Variants in RELCH observed in about 807,000 individuals in gnomAD.
RELCH encodes the protein RAB11-binding protein RELCH.
RELCH carries 41 observed loss-of-function variants against 150.3 expected under a neutral mutation model. That is an observed-to-expected ratio of 0.27 (90% CI 0.21 to 0.35). RELCH has a LOEUF of 0.35. Among genes scored for constraint, RELCH ranks in the 10% least tolerant of loss-of-function variants. The pLI is 1.00. For synonymous variants in RELCH, 478 were observed against 531.8 expected, an observed-to-expected ratio of 0.90 and a Z score of 1.39; for missense variants, 1,092 against 1,467.8, an observed-to-expected ratio of 0.74 and a Z score of 4.18.
In RELCH at chr18:62,299,518, ACACT is replaced by A. The variant is rs1297656117; in HGVS notation, c.3530+662_3530+665del. Reference sequence around the variant, plus strand: ...ATCCTATCAGTCTAGAAACACACACACACTCACGCATACGCTCCTCCCTATTCCC... The same window carrying A: ...ATCCTATCAGTCTAGAAACACACACACACGCATACGCTCCTCCCTATTCCC... On this transcript the variant is annotated intron_variant, in intron 28 of 28. Transcript: ENST00000644646. Among the ~76,000 whole-genome samples the A allele has an allele frequency of 2.2e-4, 33 of 152,244 alleles. No homozygotes were observed. The South Asian group carries it at 5.8e-3, about 27-fold the overall frequency.
At chr18:62,208,565 T>C (rs2039961507) in intron 1 of RELCH, among the ~76,000 whole-genome samples, 1 of 152,124 alleles carries the variant, frequency 6.6e-6, no homozygotes, top group Non-Finnish European at 1.5e-5. Flanking sequence ...ATAGGTAAAG[T>C]TGTGTTACGG....
intron 20 of RELCH, among the ~76,000 whole-genome samples, chr18:62,272,134 G>A (rs2043937213): frequency 6.6e-6 from 1 of 151,968 alleles, no homozygotes; most frequent in South Asian, 2.1e-4. Flanking sequence ...CCCTGATATG[G>A]ATACTTTTCT....
chr18:62,242,332 C>T (rs2042189577), intron 10 of RELCH, among the ~76,000 whole-genome samples: 2 of 152,076 alleles, frequency 1.3e-5, no homozygotes, highest in Admixed American at 1.3e-4. Context: ...ATTTAGGGTT[C>T]AAGGAGACAA....
At position 62,257,965 on chromosome 18, in the gene RELCH, C is replaced by G; in HGVS notation, c.1914C>G (p.Ser638=). The G allele has an allele frequency of 6.2e-7, 1 of 1,600,212 alleles. No individual in the cohort carries two copies. Among genetic ancestry groups the G allele is most frequent in the Non-Finnish European group, 8.5e-7 (1 of 1,174,404 alleles). ...ATTTTCAGAAAGAAATCCGTAGCTC[C>G]TTGGTTCTTTCAATGTTGCAACAAA... ...APYLPKEIRS[S]LVLSMLQQML... The change falls in exon 14 of 29, where the codon TCC becomes TCG. Residue 638 remains serine, a synonymous_variant. Coordinates refer to ENST00000644646, the MANE Select transcript of RELCH (RefSeq NM_001346231.2).
intron 13 of RELCH, among the ~76,000 whole-genome samples, chr18:62,257,536 C>T (rs370424198): frequency 2.0e-5 from 3 of 152,098 alleles, no homozygotes; most frequent in East Asian, 1.9e-4. Context: ...AATAGTGACA[C>T]GAGAGTCATT....
chr18:62,302,556 T>C (rs897668870), intron 28 of RELCH, among the ~76,000 whole-genome samples: 2 of 152,204 alleles, frequency 1.3e-5, no homozygotes, highest in Non-Finnish European at 2.9e-5. Flanking sequence ...AGTCTCACTC[T>C]GTCTCCCAGG....
At chr18:62,252,498 G>A (rs901532777) in intron 11 of RELCH, among the ~76,000 whole-genome samples, 166 bp from the exon 12 acceptor site, 4 of 151,592 alleles carry the variant, frequency 2.6e-5, no homozygotes, top group Admixed American at 6.6e-5. Context: ...CAGCCTGGGA[G>A]ACAGCCAGAC....
chr18:62,227,356 G>A lies in RELCH; in HGVS notation c.926G>A (p.Arg309Gln), dbSNP rs778803019. ...CCTCCAGACTTATTGCAACTCTACC[G>A]GGATTTTGGAAATCATCAAGTAACT... ...PKPPDLLQLYRDFGNHQVTGK... is the reference protein window; with the variant it reads ...PKPPDLLQLYQDFGNHQVTGK... The change falls in exon 6 of 29, where the codon CGG becomes CAG. Residue 309 changes from arginine to glutamine, a missense_variant. Physicochemically the swap from Arg to Gln is conservative, Grantham distance 43 (BLOSUM62 1). Coordinates refer to ENST00000644646, the MANE Select transcript of RELCH (RefSeq NM_001346231.2). 11 of 1,612,172 alleles carry A rather than the reference G, an allele frequency of 6.8e-6. No homozygotes were observed. The highest frequency in any genetic ancestry group is 5.4e-5 in the African/African-American group (4 of 74,670).
chr18:62,292,318 G>A (rs1367716467), intron 27 of RELCH, among the ~76,000 whole-genome samples: 3 of 151,914 alleles, frequency 2.0e-5, no homozygotes, highest in Admixed American at 6.6e-5. Flanking sequence ...ATAGCTTCAC[G>A]TCTCTCTGCA....
intron 20 of RELCH, 123 bp downstream of exon 20, chr18:62,269,071 C>A: frequency 2.3e-6 from 1 of 438,466 alleles, no homozygotes; most frequent in Non-Finnish European, 4.1e-6. Context: ...TTATTTTATT[C>A]AATAAATAAT....
At chr18:62,194,633 G>A (rs1395088017) in intron 1 of RELCH, among the ~76,000 whole-genome samples, 1 of 152,048 alleles carries the variant, frequency 6.6e-6, no homozygotes, top group Non-Finnish European at 1.5e-5. Flanking sequence ...TCTAGGACAG[G>A]GCTACTGCCT....
chr18:62,245,962 T>G (rs1361647843), intron 11 of RELCH: 1 of 152,158 alleles, frequency 6.6e-6, no homozygotes, highest in Admixed American at 6.6e-5. Flanking sequence ...TGCAACAAGT[T>G]CCAGATAGGT....
rs112925223 is a variant in RELCH, at chr18:62,198,131, G to A, written c.526+10100G>A. Among the ~76,000 whole-genome samples the A allele has an allele frequency of 2.6e-3, 397 of 152,254 alleles. 5 individuals are homozygous for A. The highest frequency in any genetic ancestry group is 8.9e-3 in the African/African-American group (372 of 41,570). ...AAGCATCACTTCATTTCATCAAGGC[G>A]CCCACACTGCATAGCATTAAACTTA... is the stretch of plus-strand genomic sequence containing the variant. On this transcript the variant is annotated intron_variant, in intron 1 of 28. Coordinates refer to ENST00000644646, the MANE Select transcript of RELCH (RefSeq NM_001346231.2).
Position 62,228,369 on chromosome 18 carries a change from C to G in RELCH, c.1219C>G (p.Pro407Ala). 1.2e-6 allele frequency: 2 copies of G among 1,613,366 alleles called. No individual in the cohort carries two copies. The highest frequency in any genetic ancestry group is 2.7e-5 in the African/African-American group (2 of 74,964). Residue 407 changes from proline (P) to alanine (A), a missense_variant, in exon 8 of 29, where the codon CCT (proline) becomes GCT (alanine). Transcript: ENST00000644646. Reference protein sequence around the residue: ...IPAVCDSVQPPLDQLPHKDSE... With the variant: ...IPAVCDSVQPALDQLPHKDSE... The stretch of plus-strand genomic sequence containing the variant: ...AGCAGTTTGTGACTCTGTTCAGCCT[C>G]CTTTGGATCAGTTGCCCCACAAAGA...
At chr18:62,275,514 T>C in intron 22 of RELCH, 41 bp downstream of exon 22, 1 of 564,440 alleles carries the variant, frequency 1.8e-6, no homozygotes, top group Non-Finnish European at 2.6e-6. Context: ...ATTATAATGA[T>C]TTTTTTTTTT....
intron 26 of RELCH, among the ~76,000 whole-genome samples, chr18:62,290,531 T>G (rs1240807314): frequency 6.6e-6 from 1 of 151,456 alleles, no homozygotes; most frequent in African/African-American, 2.4e-5. Context: ...AAAATTCTGT[T>G]AAAAAAAAAT....
intron 2 of RELCH, among the ~76,000 whole-genome samples, chr18:62,213,206 G>A (rs1305685836): frequency 6.6e-6 from 1 of 151,870 alleles, no homozygotes; most frequent in African/African-American, 2.4e-5. Flanking sequence ...TTTATTTAGA[G>A]ACTATATCTA....
chr18:62,208,684 A>G (rs2039970954), intron 1 of RELCH, among the ~76,000 whole-genome samples: 1 of 152,034 alleles, frequency 6.6e-6, no homozygotes, highest in Non-Finnish European at 1.5e-5. Context: ...AGTTGGCCCC[A>G]GTGTCTGTCG....
intron 5 of RELCH, among the ~76,000 whole-genome samples, chr18:62,223,589 A>G (rs945656573): frequency 6.6e-6 from 1 of 152,116 alleles, no homozygotes; most frequent in African/African-American, 2.4e-5. Flanking sequence ...AGACCAGCAT[A>G]CTTCTGATAT....
Sources: allele counts gnomAD v4.1 joint callset (sites outside exome capture counted in the v4.1 genomes callset), GRCh38; gene constraint gnomAD v4.1.1; transcripts MANE v1.5; gene names NCBI Gene and HGNC (gene_info 2026-07-23, HGNC 2026-07-21).